Variants in NTAQ1 observed in about 807,000 individuals in gnomAD.
The protein encoded by NTAQ1 is N-terminal glutamine amidase 1.
NTAQ1 carries 21 observed loss-of-function variants against 28.2 expected under a neutral mutation model. The ratio of observed to expected loss-of-function variants is 0.74; its 90% CI spans 0.53 to 1.07. The LOEUF is 1.07. Among genes scored for constraint, NTAQ1 ranks in the 50% least tolerant of loss-of-function variants. The pLI is 0.00. For missense variants in NTAQ1, 264 were observed against 256.6 expected (o/e 1.03, Z -0.20); for synonymous variants, 105 against 90.0 (o/e 1.17, Z -0.94).
chr8:123,466,620 A>G (rs2130439339), intron 6 of NTAQ1, among the ~76,000 whole-genome samples: 1 of 152,358 alleles, frequency 6.6e-6, no homozygotes, highest in Admixed American at 6.5e-5. Flanking sequence ...ATCTGGAGTG[A>G]GGACAAGATT....
In NTAQ1 at chr8:123,418,432, A is replaced by G. The variant is rs935297334; in HGVS notation, c.83+1500A>G. Among the ~76,000 whole-genome samples, 3 of 147,922 alleles carry G rather than the reference A, an allele frequency of 2.0e-5. No individual in the cohort carries two copies. The South Asian group carries it at 6.4e-4, about 32-fold the overall frequency. On this transcript the variant is annotated intron_variant, in intron 1 of 5. Transcript: ENST00000287387. ...CTGCCCCTTCCTGCCTGGGCAACAG[A>G]GCAAGACTCCATCTCAAAAAAAAAA...
downstream of NTAQ1, among the ~76,000 whole-genome samples, chr8:123,451,778 ACTC>A (rs1249731606): frequency 1.3e-5 from 2 of 152,048 alleles, no homozygotes; most frequent in East Asian, 3.9e-4. Context: ...TAAAGGAACA[ACTC>A]CTGTCACCAA....
At chr8:123,446,945 G>A (rs192048407), downstream of NTAQ1, among the ~76,000 whole-genome samples, 1 of 152,126 alleles carries the variant, frequency 6.6e-6, no homozygotes. Context: ...TTTTGACCAC[G>A]TCCTGATCTC....
chr8:123,459,360 T>C (rs749355319), intron 6 of NTAQ1, among the ~76,000 whole-genome samples: 4 of 152,156 alleles, frequency 2.6e-5, no homozygotes, highest in Non-Finnish European at 5.9e-5. Flanking sequence ...TCCCAGCACA[T>C]GGACGTGTTC....
chr8:123,451,558 C>T (rs1051184629), downstream of NTAQ1, among the ~76,000 whole-genome samples: 7 of 152,062 alleles, frequency 4.6e-5, no homozygotes, highest in East Asian at 3.9e-4. Flanking sequence ...AGTCTGGTCT[C>T]GAACTCTTGA....
At chr8:123,457,533 A>C (rs1472253307) in intron 6 of NTAQ1, among the ~76,000 whole-genome samples, 2 of 152,230 alleles carry the variant, frequency 1.3e-5, no homozygotes, top group Non-Finnish European at 2.9e-5. Flanking sequence ...GAGCAAGTGG[A>C]AATCTGTACT....
downstream of NTAQ1, among the ~76,000 whole-genome samples, chr8:123,446,525 C>G (rs540193197): frequency 8.1e-6 from 1 of 123,428 alleles, no homozygotes; most frequent in South Asian, 2.8e-4. Flanking sequence ...TCTTTGGAGC[C>G]CTCCTCCCTC....
At position 123,454,937 on chromosome 8, in the gene NTAQ1, G is replaced by A. The variant is rs370471326; in HGVS notation, c.373-12142G>A. On this transcript the variant is annotated intron_variant, in intron 6 of 6. Coordinates refer to the NTAQ1 transcript ENST00000650311. ...TGGCAGTGGATGAGGCATTCATTGA[G>A]TTGGTAAGTTGCTGGCAGAAGCATG... 7 of 152,426 alleles carry A rather than the reference G, an allele frequency of 4.6e-5. No homozygotes were observed. The East Asian group carries it at 1.3e-3, about 29-fold the overall frequency. 9.4% of individuals were successfully genotyped at this position (152,426 alleles called of 1,614,324 possible).
downstream of NTAQ1, among the ~76,000 whole-genome samples, chr8:123,451,631 A>G (rs1320989407): frequency 1.3e-5 from 2 of 151,984 alleles, no homozygotes; most frequent in African/African-American, 2.4e-5. Context: ...GAGCCACCAC[A>G]CCTGGTCTAA....
At chr8:123,426,333 A>G (rs1489443145) in intron 1 of NTAQ1, among the ~76,000 whole-genome samples, 1 of 152,178 alleles carries the variant, frequency 6.6e-6, no homozygotes, top group Non-Finnish European at 1.5e-5. Flanking sequence ...GTATGGGAAG[A>G]TTGATTTCAG....
chr8:123,418,147 A>T (rs1813422684), intron 1 of NTAQ1, among the ~76,000 whole-genome samples: 1 of 152,150 alleles, frequency 6.6e-6, no homozygotes, highest in Non-Finnish European at 1.5e-5. Context: ...TGGTTCTTTC[A>T]TTTTGAGAGA....
exon 7 of NTAQ1, among the ~76,000 whole-genome samples, chr8:123,468,577 A>G (rs919659932): frequency 6.6e-6 from 1 of 152,218 alleles, no homozygotes; most frequent in Non-Finnish European, 1.5e-5. Flanking sequence ...TTGTATGTAT[A>G]TATCACATTT....
chr8:123,475,551 A>C, the NTAQ1 span, among the ~76,000 whole-genome samples: 1 of 152,228 alleles, frequency 6.6e-6, no homozygotes, highest in African/African-American at 2.4e-5. Flanking sequence ...AATTATACAT[A>C]TGTTATAAAT....
chr8:123,426,507 A>G (rs1301249904), intron 1 of NTAQ1, among the ~76,000 whole-genome samples: 1 of 152,034 alleles, frequency 6.6e-6, no homozygotes, highest in Non-Finnish European at 1.5e-5. Context: ...TTGTCTCCAC[A>G]CACACAAAAA....
At chr8:123,447,711 A>C (rs1283496691) in intron 6 of NTAQ1, among the ~76,000 whole-genome samples, 1 of 152,244 alleles carries the variant, frequency 6.6e-6, no homozygotes, top group Admixed American at 6.5e-5. Flanking sequence ...CTAACTGCAT[A>C]CATTCATTGT....
At chr8:123,475,270 C>G in the NTAQ1 span, among the ~76,000 whole-genome samples, 1 of 152,106 alleles carries the variant, frequency 6.6e-6, no homozygotes, top group African/African-American at 2.4e-5. Flanking sequence ...CTTTTTGATG[C>G]TTACTTTTTA....
At chr8:123,453,718 G>A (rs186076156) in intron 6 of NTAQ1, among the ~76,000 whole-genome samples, 179 of 152,282 alleles carry the variant, frequency 1.2e-3, no homozygotes, top group African/African-American at 3.8e-3. Flanking sequence ...GAGTCATCGT[G>A]CCTGGCCCCA....
At chr8:123,431,634 C>T (rs969757455) in intron 3 of NTAQ1, among the ~76,000 whole-genome samples, 1 of 152,200 alleles carries the variant, frequency 6.6e-6, no homozygotes, top group Non-Finnish European at 1.5e-5. Context: ...AGCCCCTCAG[C>T]TCTAGGGTTA....
At chr8:123,421,872 T>G (rs184998336) in intron 1 of NTAQ1, among the ~76,000 whole-genome samples, 3,750 of 151,978 alleles carry the variant, frequency 0.025, 63 homozygotes, top group Middle Eastern at 0.051. Context: ...GTATTTTTTT[T>G]TAGTAGAGAC....
Sources: gnomAD v4.1 joint callset for allele counts (sites outside exome capture counted in the v4.1 genomes callset) on GRCh38, gnomAD v4.1.1 for gene constraint, MANE v1.5 for transcripts, NCBI Gene and HGNC (gene_info 2026-07-23, HGNC 2026-07-21) for gene names.